The following FAT3 variants were observed in gnomAD, a reference collection of about 807,000 sequenced individuals.
FAT3 encodes the protein protocadherin Fat 3.
Under a neutral mutation model 310.2 loss-of-function variants are expected in FAT3, and 95 were observed. That is an observed-to-expected ratio of 0.31 (90% CI 0.26 to 0.36). The LOEUF is 0.36. FAT3 is among the 10% of genes least tolerant of loss of function. The pLI, the probability that FAT3 is intolerant of heterozygous loss-of-function variation, is 1.00. For synonymous variants in FAT3, 2,314 were observed against 2,192.9 expected (o/e 1.06, Z -1.54); for missense variants, 5,408 against 5,715.6 (o/e 0.95, Z 1.74).
At chr11:92,715,836 T>C (rs1372673084) in intron 4 of FAT3, among the ~76,000 whole-genome samples, 2 of 151,688 alleles carry the variant, frequency 1.3e-5, no homozygotes, top group African/African-American at 4.8e-5. Context: ...AAGAGAACAC[T>C]GATGATTCAA....
intron 16 of FAT3, 75 bp downstream of exon 16, chr11:92,836,778 G>A: frequency 6.6e-7 from 1 of 1,514,930 alleles, no homozygotes; most frequent in Non-Finnish European, 8.9e-7. Flanking sequence ...AAGCTCCACG[G>A]GTGTAAATAG....
At chr11:92,510,213 C>A (rs1039748554) in intron 2 of FAT3, among the ~76,000 whole-genome samples, 1 of 152,136 alleles carries the variant, frequency 6.6e-6, no homozygotes, top group African/African-American at 2.4e-5. Context: ...CATGTTACAA[C>A]CTCCACGTTT....
chr11:92,833,720 AT>A (rs1948325985), intron 14 of FAT3, among the ~76,000 whole-genome samples: 1 of 152,320 alleles, frequency 6.6e-6, no homozygotes, highest in Non-Finnish European at 1.5e-5. Flanking sequence ...TAAGGTCATT[AT>A]CTCAAATAAA....
chr11:92,435,544 T>A (rs1286030174), intron 2 of FAT3, among the ~76,000 whole-genome samples: 1 of 150,440 alleles, frequency 6.6e-6, no homozygotes, highest in East Asian at 1.9e-4. Context: ...TTTCCCTTCC[T>A]TCCTTCCTTT....
chr11:92,256,155 C>T (rs1272883321), intron 1 of FAT3, among the ~76,000 whole-genome samples: 1 of 151,910 alleles, frequency 6.6e-6, no homozygotes, highest in Non-Finnish European at 1.5e-5. Context: ...TTTCAGCTCT[C>T]CTTTTATTGT....
At chr11:92,666,153 A>G (rs1942942071) in intron 3 of FAT3, among the ~76,000 whole-genome samples, 1 of 152,202 alleles carries the variant, frequency 6.6e-6, no homozygotes, top group Admixed American at 6.5e-5. Flanking sequence ...GCTGCTAAAA[A>G]GTGGCTCAAA....
chr11:92,397,442 C>T (rs1949897376), intron 2 of FAT3, among the ~76,000 whole-genome samples: 1 of 152,144 alleles, frequency 6.6e-6, no homozygotes, highest in Admixed American at 6.5e-5. Flanking sequence ...ACTTTCTCCC[C>T]ATCTAGATGG....
Position 92,800,891 on chromosome 11 carries a change from T to C in FAT3, c.7878T>C (p.Asp2626=), listed in dbSNP as rs182770849. ...TGGTCACTCAAGTTCAAGCCATAGA[T>C]CCCGATGATGGAGCAAATTCAAGGA... ...GHLVTQVQAI[D]PDDGANSRIT... Residue 2626 remains aspartate, a synonymous_variant, in exon 10 of 28, where the codon GAT becomes GAC. Coordinates refer to ENST00000525166, the MANE Select transcript of FAT3 (RefSeq NM_001367949.2). 1 of 1,613,298 alleles carries C rather than the reference T, an allele frequency of 6.2e-7. No individual in the cohort carries two copies. The highest frequency in any genetic ancestry group is 2.2e-5 in the East Asian group (1 of 44,796).
intron 12 of FAT3, among the ~76,000 whole-genome samples, chr11:92,808,962 T>C (rs1368395168): frequency 2.0e-5 from 3 of 151,950 alleles, no homozygotes; most frequent in South Asian, 2.1e-4. Flanking sequence ...AATAAATGAA[T>C]ATAGGTAGCT....
intron 4 of FAT3, among the ~76,000 whole-genome samples, chr11:92,707,909 C>T (rs1399659618): frequency 1.3e-5 from 2 of 152,182 alleles, no homozygotes; most frequent in African/African-American, 4.8e-5. Flanking sequence ...TGGAATTCAA[C>T]TCAAGTGCTT....
At chr11:92,245,155 C>G (rs1864845931) in intron 1 of FAT3, among the ~76,000 whole-genome samples, 1 of 152,046 alleles carries the variant, frequency 6.6e-6, no homozygotes, top group South Asian at 2.1e-4. Flanking sequence ...GAATACTATG[C>G]AGCCATAAAA....
chr11:92,521,354 G>A (rs1337743710), intron 2 of FAT3, among the ~76,000 whole-genome samples: 5 of 152,136 alleles, frequency 3.3e-5, no homozygotes, highest in Non-Finnish European at 7.3e-5. Flanking sequence ...CAAAGACTGT[G>A]AGAATGGCAC....
At chr11:92,714,419 A>G (rs1444904992) in intron 4 of FAT3, among the ~76,000 whole-genome samples, 2 of 152,098 alleles carry the variant, frequency 1.3e-5, no homozygotes, top group African/African-American at 2.4e-5. Context: ...TACTTCCCAC[A>G]CTAAAACACT....
intron 1 of FAT3, among the ~76,000 whole-genome samples, chr11:92,285,282 T>G (rs1946532793): frequency 6.6e-6 from 1 of 151,556 alleles, no homozygotes; most frequent in Non-Finnish European, 1.5e-5. Context: ...TAAAAACAGT[T>G]TTTCTAGTTA....
chr11:92,607,252 C>G (rs1159297857), intron 3 of FAT3, among the ~76,000 whole-genome samples: 1 of 151,936 alleles, frequency 6.6e-6, no homozygotes, highest in Non-Finnish European at 1.5e-5. Context: ...TGTAGCCTCT[C>G]ATCTCTTCAT....
intron 19 of FAT3, among the ~76,000 whole-genome samples, chr11:92,849,009 TC>T (rs554915257): frequency 2.9e-4 from 44 of 152,364 alleles, no homozygotes; most frequent in Middle Eastern, 3.4e-3. Flanking sequence ...ATAATGTTTA[TC>T]AAGCCATGAC....
At position 92,610,377 on chromosome 11, in the gene FAT3, G is replaced by A. The variant is rs148976456; in HGVS notation, c.3607+85429G>A. On this transcript the variant is annotated intron_variant, in intron 3 of 27. Transcript: ENST00000525166. ...TACACAGGCCTTCAAACAGGTTTGTGTTTTATCTGAAAATTCTTTGATAAT... is the reference window on the plus strand; with the variant it reads ...TACACAGGCCTTCAAACAGGTTTGTATTTTATCTGAAAATTCTTTGATAAT... Among the ~76,000 whole-genome samples, 209 of 152,236 alleles carry A rather than the reference G, an allele frequency of 1.4e-3. 1 individual carries two copies. The highest frequency in any genetic ancestry group is 4.8e-3 in the African/African-American group (200 of 41,566).
chr11:92,249,699 T>A (rs1687486939), intron 1 of FAT3, among the ~76,000 whole-genome samples: 1 of 152,032 alleles, frequency 6.6e-6, no homozygotes, highest in Admixed American at 6.6e-5. Flanking sequence ...CAAAAGACAG[T>A]GTCATTATGA....
chr11:92,279,488 A>C (rs2134359300), intron 1 of FAT3, among the ~76,000 whole-genome samples: 1 of 152,280 alleles, frequency 6.6e-6, no homozygotes, highest in African/African-American at 2.4e-5. Flanking sequence ...CACATGTATT[A>C]ACTCAATTAT....
Sources: gnomAD v4.1 joint callset for allele counts (sites outside exome capture counted in the v4.1 genomes callset) on GRCh38, gnomAD v4.1.1 for gene constraint, MANE v1.5 for transcripts, NCBI Gene and HGNC (gene_info 2026-07-23, HGNC 2026-07-21) for gene names.